Variants in RNF6 observed in about 807,000 individuals in gnomAD.
RNF6 encodes ring finger protein 6.
Under a neutral mutation model 50.1 loss-of-function variants are expected in RNF6, and 21 were observed. The ratio of observed to expected loss-of-function variants is 0.42; its 90% CI spans 0.30 to 0.60. RNF6 has a LOEUF of 0.60. Ranked by LOEUF, RNF6 falls within the 20% of genes least tolerant of loss-of-function variation. RNF6 has a pLI of 0.20. For missense variants in RNF6, 698 were observed against 838.2 expected (o/e 0.83, Z 2.07); for synonymous variants, 255 against 291.8 (o/e 0.87, Z 1.29).
intron 5 of RNF6, among the ~76,000 whole-genome samples, chr13:26,195,637 T>A (rs1868631136): frequency 6.6e-6 from 1 of 152,110 alleles, no homozygotes; most frequent in Non-Finnish European, 1.5e-5. Context: ...AAATTAAAAA[T>A]CCTGAAAGAA....
chr13:26,153,779 G>T (rs191230822), intron 5 of RNF6, among the ~76,000 whole-genome samples: 1 of 151,126 alleles, frequency 6.6e-6, no homozygotes, highest in African/African-American at 2.5e-5. Context: ...TTTTGGAGGT[G>T]CCATAAAATG....
At chr13:26,160,394 T>A (rs1872137795) in intron 5 of RNF6, among the ~76,000 whole-genome samples, 1 of 151,824 alleles carries the variant, frequency 6.6e-6, no homozygotes, top group Non-Finnish European at 1.5e-5. Flanking sequence ...CTACTACCTA[T>A]TTTTTTTATT....
At chr13:26,163,406 T>C (rs1872308826) in intron 5 of RNF6, among the ~76,000 whole-genome samples, 1 of 152,206 alleles carries the variant, frequency 6.6e-6, no homozygotes, top group African/African-American at 2.4e-5. Context: ...GTAAATCTCA[T>C]GCATCATGTA....
chr13:26,136,596 T>A (rs1399994784), intron 5 of RNF6, among the ~76,000 whole-genome samples: 1 of 152,202 alleles, frequency 6.6e-6, no homozygotes, highest in Non-Finnish European at 1.5e-5. Flanking sequence ...ACACAAATCG[T>A]TCACGGAAGT....
At chr13:26,167,281 G>T (rs1170580613) in intron 5 of RNF6, among the ~76,000 whole-genome samples, 1 of 152,136 alleles carries the variant, frequency 6.6e-6, no homozygotes, top group Admixed American at 6.5e-5. Context: ...CAGAATAGGA[G>T]AAAATTTTTG....
Position 26,222,032 on chromosome 13 carries a change from G to C in RNF6, c.-131C>G, listed in dbSNP as rs1159759390. ...CCAGGTCTTGGGCCTTCGCCCTCCT[G>C]TCCGGAGAACGTGTGCTGTGGGCGG... is the stretch of plus-strand genomic sequence containing the variant. On this transcript the variant is annotated 5_prime_UTR_variant, in exon 1 of 5. Transcript: ENST00000381588. The C allele has an allele frequency of 6.6e-6, 1 of 152,304 alleles. No individual in the cohort carries two copies. Among genetic ancestry groups the C allele is most frequent in the South Asian group, 2.1e-4 (1 of 4,836 alleles). The allele number at this position is 152,304 out of a possible 1,614,324, so 9.4% of individuals were successfully genotyped here.
intron 5 of RNF6, among the ~76,000 whole-genome samples, chr13:26,162,716 CATT>C (rs1872270079): frequency 6.6e-6 from 1 of 152,196 alleles, no homozygotes; most frequent in Non-Finnish European, 1.5e-5. Flanking sequence ...CAAAACCAAA[CATT>C]AGTATGAGAT....
chr13:26,180,895 G>A (rs1873205084), intron 5 of RNF6, among the ~76,000 whole-genome samples: 1 of 152,242 alleles, frequency 6.6e-6, no homozygotes, highest in African/African-American at 2.4e-5. Flanking sequence ...AAAGGAACCC[G>A]AAGGGGAGAG....
At chr13:26,181,618 C>G (rs1425014892) in intron 5 of RNF6, among the ~76,000 whole-genome samples, 3 of 152,144 alleles carry the variant, frequency 2.0e-5, no homozygotes, top group Non-Finnish European at 4.4e-5. Context: ...CCAAGCTATA[C>G]CATTGGTAGG....
chr13:26,171,828 TTATATGGAGTACTTAG>T (rs935676652), intron 5 of RNF6, among the ~76,000 whole-genome samples: 2 of 152,198 alleles, frequency 1.3e-5, no homozygotes, highest in Non-Finnish European at 2.9e-5. Context: ...ATGATTCTAC[TTATATGGAGTACTTAG>T]ACTAGTCAAA....
chr13:26,160,230 A>G (rs1872130030), intron 5 of RNF6, among the ~76,000 whole-genome samples: 1 of 152,204 alleles, frequency 6.6e-6, no homozygotes, highest in Non-Finnish European at 1.5e-5. Context: ...ACACAGACCC[A>G]ATCTAGAAGC....
intron 5 of RNF6, among the ~76,000 whole-genome samples, chr13:26,134,340 C>A (rs1870539831): frequency 6.6e-6 from 1 of 152,258 alleles, no homozygotes; most frequent in Non-Finnish European, 1.5e-5. Context: ...GGAGTTGAGG[C>A]TCCCTACTCG....
At chr13:26,156,913 G>C (rs946666674) in intron 5 of RNF6, among the ~76,000 whole-genome samples, 5 of 152,216 alleles carry the variant, frequency 3.3e-5, no homozygotes, top group African/African-American at 1.2e-4. Flanking sequence ...CAAATTAGTT[G>C]GGGGTGAAAT....
chr13:26,220,572 A>G (rs995023868), intron 2 of RNF6, among the ~76,000 whole-genome samples: 3 of 152,176 alleles, frequency 2.0e-5, no homozygotes, highest in African/African-American at 7.2e-5. Flanking sequence ...TGGTTCTCAA[A>G]CTCACTTAAG....
chr13:26,194,497 A>G (rs1868582181), intron 5 of RNF6, among the ~76,000 whole-genome samples: 1 of 152,148 alleles, frequency 6.6e-6, no homozygotes, highest in Non-Finnish European at 1.5e-5. Context: ...TTATCATCAC[A>G]TCACTAAAGG....
In RNF6 at chr13:26,214,516, A is replaced by G. The variant is rs1869622439; in HGVS notation, c.1366T>C (p.Tyr456His). The change falls in exon 5 of 5, where the codon TAT (tyrosine) becomes CAT (histidine). Residue 456 changes from tyrosine (Y) to histidine (H), a missense_variant. By Grantham distance (83) the Tyr-to-His change is moderately conservative. Coordinates refer to ENST00000381588, the MANE Select transcript of RNF6 (RefSeq NM_005977.4). ...SRLERSGIRT[Y>H]VSTITVPLRR... is the part of the protein sequence containing the mutation. ...AGAGGAACTGTTATGGTACTAACATAGGTTCGAATACCTGACCGCTCTAAA... is the reference window on the plus strand; with the variant it reads ...AGAGGAACTGTTATGGTACTAACATGGGTTCGAATACCTGACCGCTCTAAA... 2 of 1,614,208 alleles carry G rather than the reference A, an allele frequency of 1.2e-6. No homozygotes were observed. Among genetic ancestry groups the G allele is most frequent in the Non-Finnish European group, 8.5e-7 (1 of 1,180,046 alleles).
At position 26,214,489 on chromosome 13, in the gene RNF6, G is replaced by T; in HGVS notation, c.1393C>A (p.Arg465Ser). ...TYVSTITVPL[R>S]RISENELVEP... Reference sequence around the variant, plus strand: ...ACAAGCTCATTCTCAGAAATCCTACGAAGAGGAACTGTTATGGTACTAACA... The same window carrying T: ...ACAAGCTCATTCTCAGAAATCCTACTAAGAGGAACTGTTATGGTACTAACA... The change falls in exon 5 of 5, where the codon CGT (arginine) becomes AGT (serine). Residue 465 changes from arginine to serine, a missense_variant. Coordinates refer to ENST00000381588, the MANE Select transcript of RNF6 (RefSeq NM_005977.4). 1 of 1,614,108 alleles carries T rather than the reference G, an allele frequency of 6.2e-7. No homozygotes were observed. Among genetic ancestry groups the T allele is most frequent in the Non-Finnish European group, 8.5e-7 (1 of 1,180,038 alleles).
At chr13:26,193,890 G>A (rs1187894164) in intron 5 of RNF6, among the ~76,000 whole-genome samples, 1 of 152,214 alleles carries the variant, frequency 6.6e-6, no homozygotes, top group Non-Finnish European at 1.5e-5. Flanking sequence ...AGTGGTAGAT[G>A]TAGTAGCACA....
chr13:26,168,754 A>G (rs1373444825), intron 5 of RNF6, among the ~76,000 whole-genome samples: 1 of 152,260 alleles, frequency 6.6e-6, no homozygotes, highest in Admixed American at 6.5e-5. Flanking sequence ...GCTCACGCCA[A>G]TAATCCTAGC....
Sources: gnomAD v4.1 joint callset for allele counts (sites outside exome capture counted in the v4.1 genomes callset) on GRCh38, gnomAD v4.1.1 for gene constraint, MANE v1.5 for transcripts, NCBI Gene and HGNC (gene_info 2026-07-23, HGNC 2026-07-21) for gene names.